The following IL27RA variants were observed in gnomAD, a reference collection of about 807,000 sequenced individuals.
IL27RA encodes the protein interleukin 27 receptor subunit alpha.
Under a neutral mutation model 80.8 loss-of-function variants are expected in IL27RA, and 61 were observed. The ratio of observed to expected loss-of-function variants is 0.76; its 90% CI spans 0.61 to 0.93. The LOEUF is 0.93. Among genes scored for constraint, IL27RA ranks in the 40% least tolerant of loss-of-function variants. IL27RA has a pLI of 0.00. For missense variants in IL27RA, 735 were observed against 808.1 expected (o/e 0.91, Z 1.10); for synonymous variants, 316 against 332.5 (o/e 0.95, Z 0.54).
chr19:14,046,717 C>A, intron 8 of IL27RA, 99 bp downstream of exon 8: 1 of 1,211,110 alleles, frequency 8.3e-7, no homozygotes, highest in Non-Finnish European at 1.1e-6. Flanking sequence ...AGCGTGATGG[C>A]CGGGCTTGGT....
chr19:14,050,717 G>A (rs1976148114), intron 10 of IL27RA, 41 bp from the exon 11 acceptor site: 1 of 1,588,914 alleles, frequency 6.3e-7, no homozygotes, highest in East Asian at 2.3e-5. Context: ...CCCTGTGGTA[G>A]GCTTGACCAC....
chr19:14,042,848 A>C (rs2145691404), intron 6 of IL27RA, 59 bp downstream of exon 6: 3 of 1,438,948 alleles, frequency 2.1e-6, no homozygotes, highest in Non-Finnish European at 2.9e-6. Flanking sequence ...CTAAATAACA[A>C]TGACATAAGG....
rs1333985981 is a variant in IL27RA at position 14,031,824 on chromosome 19, G to A, written c.-49G>A. The stretch of plus-strand genomic sequence containing the variant: ...GAGCTCGAAGAGGAGCAGCGCGGCC[G>A]CGCGGACCCGGCAAGGCTGGGCCGG... On this transcript the variant is annotated 5_prime_UTR_variant, in exon 1 of 14. Coordinates refer to ENST00000263379, the MANE Select transcript of IL27RA (RefSeq NM_004843.4). 2 of 1,480,942 alleles carry A rather than the reference G, an allele frequency of 1.4e-6. No homozygotes were observed. The highest frequency in any genetic ancestry group is 1.4e-5 in the African/African-American group (1 of 71,334). The allele number at this position is 1,480,942 out of a possible 1,614,324, so 91.7% of individuals were successfully genotyped here. A position where few individuals can be genotyped will look rare whatever the true frequency, so the allele number is the denominator to read the frequency against.
At position 14,049,142 on chromosome 19, in the gene IL27RA, G is replaced by A. The variant is rs764532041; in HGVS notation, c.1244-14G>A. ...TAACCCAGGCCGACCTTGACCTACT[G>A]CCTTCCTCCCCAGCACCCCTAGTGG... is the stretch of plus-strand genomic sequence containing the variant. On this transcript the variant is annotated splice_polypyrimidine_tract_variant and intron_variant, in intron 9 of 13. Coordinates refer to ENST00000263379, the MANE Select transcript of IL27RA (RefSeq NM_004843.4). The A allele has an allele frequency of 6.2e-7, 1 of 1,613,156 alleles. No individual in the cohort carries two copies. The highest frequency in any genetic ancestry group is 1.1e-5 in the South Asian group (1 of 91,066).
At chr19:14,048,923 G>A in intron 8 of IL27RA, 58 bp from the exon 9 acceptor site, 1 of 1,451,246 alleles carries the variant, frequency 6.9e-7, no homozygotes, top group South Asian at 1.1e-5. Context: ...AGACACCTAG[G>A]AAATGAGCAT....
intron 2 of IL27RA, among the ~76,000 whole-genome samples, chr19:14,034,575 G>A (rs780940781): frequency 7.9e-5 from 12 of 151,544 alleles, no homozygotes; most frequent in African/African-American, 2.4e-5. Context: ...CAGGAGAATC[G>A]CTGGAACTCG....
At chr19:14,033,814 G>T (rs530563852) in intron 2 of IL27RA, among the ~76,000 whole-genome samples, 1 of 151,928 alleles carries the variant, frequency 6.6e-6, no homozygotes, top group African/African-American at 2.4e-5. Context: ...AAAATACAAA[G>T]ATTAGCCGAT....
chr19:14,034,604 G>A (rs1975870177), intron 2 of IL27RA, among the ~76,000 whole-genome samples: 2 of 149,492 alleles, frequency 1.3e-5, no homozygotes, highest in Non-Finnish European at 3.0e-5. Context: ...AGGTTGGAGT[G>A]AGCCAAGATC....
chr19:14,036,678 G>A (rs1338928388), intron 2 of IL27RA, among the ~76,000 whole-genome samples: 1 of 151,842 alleles, frequency 6.6e-6, no homozygotes, highest in East Asian at 1.9e-4. Context: ...TAGTAGAGCC[G>A]AGTTTCACCA....
intron 1 of IL27RA, among the ~76,000 whole-genome samples, 169 bp from the exon 2 acceptor site, chr19:14,032,216 AG>A (rs1314328584): frequency 6.6e-6 from 1 of 152,028 alleles, no homozygotes; most frequent in South Asian, 2.1e-4. Context: ...GCACAGGGAA[AG>A]GGGGGGTTTG....
At chr19:14,037,834 C>T (rs867535690) in intron 2 of IL27RA, among the ~76,000 whole-genome samples, 54 of 129,416 alleles carry the variant, frequency 4.2e-4, no homozygotes, top group Admixed American at 1.1e-3. Context: ...CTCTCTCTCT[C>T]TTTTTTTTTT....
At chr19:14,037,523 G>C (rs1599297622) in intron 2 of IL27RA, among the ~76,000 whole-genome samples, 1 of 151,722 alleles carries the variant, frequency 6.6e-6, no homozygotes, top group Non-Finnish European at 1.5e-5. Context: ...CCAAAGTGCT[G>C]GGATTACAGG....
At chr19:14,033,732 C>T (rs764674309) in intron 2 of IL27RA, among the ~76,000 whole-genome samples, 3 of 151,292 alleles carry the variant, frequency 2.0e-5, no homozygotes, top group East Asian at 2.0e-4. Flanking sequence ...TTTGGGAGGC[C>T]GAGGCGGGCA....
intron 2 of IL27RA, among the ~76,000 whole-genome samples, chr19:14,037,459 T>C (rs1310190071): frequency 1.3e-5 from 2 of 151,736 alleles, no homozygotes; most frequent in Non-Finnish European, 2.9e-5. Context: ...TTCACGATGT[T>C]GTCCAGGCTG....
rs762953209 is a variant in IL27RA at position 14,032,337 on chromosome 19, AG to A, written c.101-42del. ...CCAAGTTCTGGGGTGTGCAGGCGGAAGGGGGGGATTCGACCCCCTTTCCTGA... is the reference window on the plus strand; with the variant it reads ...CCAAGTTCTGGGGTGTGCAGGCGGAAGGGGGGATTCGACCCCCTTTCCTGA... On this transcript the variant is annotated intron_variant, in intron 1 of 13. Coordinates refer to ENST00000263379, the MANE Select transcript of IL27RA (RefSeq NM_004843.4). 4.1e-4 allele frequency: 565 copies of A among 1,392,746 alleles called. 1 individual carries two copies. Among genetic ancestry groups the A allele is most frequent in the Admixed American group, 1.9e-3 (107 of 55,494 alleles). The allele number at this position is 1,392,746 out of a possible 1,614,324, so 86.3% of individuals were successfully genotyped here.
At chr19:14,049,613 C>T (rs1411417464) in intron 10 of IL27RA, among the ~76,000 whole-genome samples, 12 of 145,642 alleles carry the variant, frequency 8.2e-5, no homozygotes, top group African/African-American at 2.5e-4. Context: ...GACAGAGTCT[C>T]GCTTTGTCAC....
In IL27RA at chr19:14,046,485, G is replaced by A; in HGVS notation, c.1008G>A (p.Glu336=). The A allele has an allele frequency of 6.2e-7, 1 of 1,614,150 alleles. No individual in the cohort carries two copies. The highest frequency in any genetic ancestry group is 1.1e-5 in the South Asian group (1 of 91,082). Residue 336 remains glutamate, a synonymous_variant, in exon 8 of 14, where the codon GAG becomes GAA. Transcript: ENST00000263379. ...TCAGCAGCATCGCTGGGAGCACGGAGCTACTGGTGACCTGGCAACCGGGGC... is the reference window on the plus strand; with the variant it reads ...TCAGCAGCATCGCTGGGAGCACGGAACTACTGGTGACCTGGCAACCGGGGC... The part of the protein sequence containing the change: ...VAVSSIAGST[E]LLVTWQPGPG...
chr19:14,033,284 G>A (rs1249620921), intron 2 of IL27RA, among the ~76,000 whole-genome samples: 1 of 150,726 alleles, frequency 6.6e-6, no homozygotes, highest in Non-Finnish European at 1.5e-5. Flanking sequence ...TTTAGTAGAG[G>A]GGGGAGGTTT....
In IL27RA at chr19:14,051,682, G is replaced by A; in HGVS notation, c.1604G>A (p.Ser535Asn). 6.2e-7 allele frequency: 1 copy of A among 1,609,486 alleles called. No homozygotes were observed. The highest frequency in any genetic ancestry group is 8.5e-7 in the Non-Finnish European group (1 of 1,177,552). ...TTGTTCCTGTTGGGGTGTGGCCTGA[G>A]CCTGGCCACCTCTGGAAGGTGAGGC... ...WGLFLLGCGL[S>N]LATSGRCYHL... The change falls in exon 12 of 14, where the codon AGC (serine) becomes AAC (asparagine). Residue 535 changes from serine (S) to asparagine (N), a missense_variant. Coordinates refer to ENST00000263379, the MANE Select transcript of IL27RA (RefSeq NM_004843.4).
Sources: gnomAD v4.1 joint callset for allele counts (sites outside exome capture counted in the v4.1 genomes callset) on GRCh38, gnomAD v4.1.1 for gene constraint, MANE v1.5 for transcripts, NCBI Gene and HGNC (gene_info 2026-07-23, HGNC 2026-07-21) for gene names.